Variants in EML2 observed in about 807,000 individuals in gnomAD.
EML2 encodes EMAP like 2.
A neutral mutation model predicts 84.7 loss-of-function variants in EML2; 59 were observed. That is an observed-to-expected ratio of 0.70 (90% CI 0.56 to 0.86). The LOEUF (loss-of-function observed/expected upper bound fraction) is 0.86, where lower values mean the gene tolerates loss of function less well. Ranked by LOEUF, EML2 falls within the 40% of genes least tolerant of loss-of-function variation. EML2 has a pLI of 0.00. For synonymous variants in EML2, 352 were observed against 348.9 expected (o/e 1.01, Z -0.10); for missense variants, 818 against 855.6 (o/e 0.96, Z 0.55).
upstream of EML2, chr19:45,643,600 A>G: frequency 6.5e-7 from 1 of 1,536,088 alleles, no homozygotes; most frequent in South Asian, 1.2e-5. Context: ...GCTGACCACA[A>G]CCAAGGAAGC....
chr19:45,641,985 G>GAC, upstream of EML2: 1 of 1,445,858 alleles, frequency 6.9e-7, no homozygotes, highest in Non-Finnish European at 9.0e-7. Context: ...ACGCGCCGCG[G>GAC]GGGTCCCGAG....
At chr19:45,617,117 G>A (rs1044784600) in intron 13 of EML2, among the ~76,000 whole-genome samples, 7 of 151,968 alleles carry the variant, frequency 4.6e-5, no homozygotes, top group Admixed American at 3.3e-4. Flanking sequence ...GTGGTGGCAC[G>A]TGCCTGTAAT....
At chr19:45,625,805 C>A (rs757886263) in intron 8 of EML2, among the ~76,000 whole-genome samples, 4 of 152,218 alleles carry the variant, frequency 2.6e-5, no homozygotes, top group Non-Finnish European at 5.9e-5. Flanking sequence ...GTGGCTCTCT[C>A]AGCCAGGCAG....
intron 17 of EML2, 79 bp from the exon 18 acceptor site, chr19:45,613,750 C>T (rs572980233): frequency 1.1e-5 from 17 of 1,554,722 alleles, no homozygotes; most frequent in Middle Eastern, 1.9e-4. Context: ...GCCACTCCAG[C>T]CACCTTAATT....
intron 15 of EML2, 34 bp downstream of exon 15, chr19:45,616,427 T>C: frequency 6.5e-7 from 1 of 1,526,758 alleles, no homozygotes. Flanking sequence ...CTGGGCGGGG[T>C]GGCGGCGCGG....
At chr19:45,642,980 G>A (rs1408994680), upstream of EML2, 1 of 127,652 alleles carries the variant, frequency 7.8e-6, no homozygotes, top group Non-Finnish European at 1.6e-5. Flanking sequence ...GCGAGACTCC[G>A]TCTCAAAAAA....
intron 12 of EML2, among the ~76,000 whole-genome samples, chr19:45,617,974 G>A (rs900425693): frequency 3.3e-5 from 5 of 152,244 alleles, no homozygotes; most frequent in Non-Finnish European, 4.4e-5. Flanking sequence ...CATCCAAGAC[G>A]ACTTCTTTAG....
intron 13 of EML2, among the ~76,000 whole-genome samples, chr19:45,617,324 G>A (rs1426676447): frequency 6.6e-6 from 1 of 151,852 alleles, no homozygotes; most frequent in Non-Finnish European, 1.5e-5. Context: ...GAGAGGCTGA[G>A]GCAGGTGAAT....
At chr19:45,624,229 T>C (rs1972042049) in intron 9 of EML2, among the ~76,000 whole-genome samples, 1 of 152,224 alleles carries the variant, frequency 6.6e-6, no homozygotes, top group Non-Finnish European at 1.5e-5. Flanking sequence ...CTAACATAGT[T>C]AGCCATTAGT....
chr19:45,641,750 TA>T, upstream of EML2: 1 of 1,535,990 alleles, frequency 6.5e-7, no homozygotes, highest in Non-Finnish European at 8.7e-7. Context: ...CGGACACTGC[TA>T]AAAGAGAGCA....
chr19:45,637,667 C>CTTTTTTTTTTTTTTTTTTTTTT (rs58180181), intron 3 of EML2, among the ~76,000 whole-genome samples: 1 of 48,894 alleles, frequency 2.0e-5, no homozygotes. Flanking sequence ...TTTTTCTTTT[C>CTTTTTTTTTTTTTTTTTTTTTT]TTTTTTTTTT....
At chr19:45,610,079 C>T (rs1215919303) in intron 18 of EML2, among the ~76,000 whole-genome samples, 4 of 152,154 alleles carry the variant, frequency 2.6e-5, no homozygotes, top group Non-Finnish European at 5.9e-5. Flanking sequence ...CCCAGTGTTA[C>T]CAGGGCTAAT....
upstream of EML2, among the ~76,000 whole-genome samples, chr19:45,643,134 T>A (rs1264919273): frequency 2.0e-5 from 3 of 152,174 alleles, no homozygotes; most frequent in African/African-American, 7.2e-5. Context: ...ATCCCCAACA[T>A]CCTCCGACGA....
chr19:45,627,954 G>A (rs1368042276), intron 7 of EML2, among the ~76,000 whole-genome samples: 1 of 152,134 alleles, frequency 6.6e-6, no homozygotes, highest in Non-Finnish European at 1.5e-5. Flanking sequence ...CCAGCTACTC[G>A]GGAGGCTGAG....
At chr19:45,639,036 T>C (rs1480373559) in intron 1 of EML2, 163 bp from the exon 2 acceptor site, 1 of 897,286 alleles carries the variant, frequency 1.1e-6, no homozygotes, top group Non-Finnish European at 1.9e-6. Context: ...CTTTGCTCGG[T>C]TGATCTTGCA....
At position 45,609,692 on chromosome 19, in the gene EML2, T is replaced by A. The variant is rs1291401722; in HGVS notation, c.1921A>T (p.Thr641Ser). Residue 641 changes from threonine to serine, a missense_variant, in exon 19 of 19, where the codon ACC becomes TCC. Transcript: ENST00000245925. ...ACCACCCGCCACTGTAGCACACTGG[T>A]GTCCTTGCCCCCTGTGGTCAGGGCC... ...SMALTTGGKD[T>S]SVLQWRVV The A allele has an allele frequency of 6.2e-7, 1 of 1,612,670 alleles. No individual in the cohort carries two copies. Among genetic ancestry groups the A allele is most frequent in the South Asian group, 1.1e-5 (1 of 90,936 alleles).
At chr19:45,630,175 G>A (rs1972855676) in intron 6 of EML2, 129 bp from the exon 7 acceptor site, 1 of 666,844 alleles carries the variant, frequency 1.5e-6, no homozygotes, top group Admixed American at 2.2e-5. Context: ...GTAGGTGGGA[G>A]GATCGCTTGA....
chr19:45,620,798 G>A (rs1529725), intron 11 of EML2: 1 of 349,382 alleles, frequency 2.9e-6, no homozygotes, highest in Admixed American at 3.8e-5. Context: ...AGGGAGGGAG[G>A]AGGCCAGGAA....
upstream of EML2, chr19:45,642,462 G>A: frequency 1.4e-6 from 2 of 1,449,216 alleles, no homozygotes; most frequent in Non-Finnish European, 9.1e-7. Flanking sequence ...CCCCTTTCCT[G>A]TCCCGCTACC....
Sources: gnomAD v4.1 joint callset for allele counts (sites outside exome capture counted in the v4.1 genomes callset) on GRCh38, gnomAD v4.1.1 for gene constraint, MANE v1.5 for transcripts, NCBI Gene and HGNC (gene_info 2026-07-23, HGNC 2026-07-21) for gene names.